The following IL1RAPL2 variants were observed in gnomAD, a reference collection of about 807,000 sequenced individuals.
IL1RAPL2 encodes the protein interleukin 1 receptor accessory protein like 2.
In IL1RAPL2, 3 loss-of-function variants were observed where a neutral mutation model predicts 44.1. The observed-to-expected ratio is 0.07, with a 90% CI of 0.03 to 0.18. The LOEUF (loss-of-function observed/expected upper bound fraction) is 0.18. IL1RAPL2 is among the 10% of genes least tolerant of loss of function. IL1RAPL2 has a pLI of 1.00. For missense variants in IL1RAPL2, 391 were observed against 496.4 expected, an observed-to-expected ratio of 0.79 and a Z score of 2.02; for synonymous variants, 181 against 178.8, an observed-to-expected ratio of 1.01 and a Z score of -0.10.
intron 2 of IL1RAPL2, among the ~76,000 whole-genome samples, chrX:104,987,429 TAA>T (rs200944971): frequency 0.025 from 2,260 of 89,625 alleles, 19 homozygotes; most frequent in African/African-American, 0.035. Context: ...GTGTATAATG[TAA>T]AAAAAAAAAA....
intron 6 of IL1RAPL2, among the ~76,000 whole-genome samples, chrX:105,665,345 G>A (rs761211167): frequency 1.1e-4 from 4 of 35,712 alleles, no homozygotes; most frequent in East Asian, 1.1e-3. Flanking sequence ...ATGCGCGTGC[G>A]TGTGTGTGTG....
At chrX:104,884,582 T>A (rs1352042499) in intron 2 of IL1RAPL2, among the ~76,000 whole-genome samples, 2 of 57,303 alleles carry the variant, frequency 3.5e-5, no homozygotes, top group East Asian at 1.6e-3. Flanking sequence ...AGGTGGCTCA[T>A]TTTTTTCTGC....
At chrX:105,044,647 T>C (rs895915824) in intron 2 of IL1RAPL2, among the ~76,000 whole-genome samples, 2 of 111,602 alleles carry the variant, frequency 1.8e-5, no homozygotes, top group Non-Finnish European at 3.8e-5. Context: ...GGGAAGTAGG[T>C]TGAGACTGAA....
At chrX:105,005,957 T>C (rs762302929) in intron 2 of IL1RAPL2, among the ~76,000 whole-genome samples, 147 of 110,849 alleles carry the variant, frequency 1.3e-3, no homozygotes, top group African/African-American at 4.5e-3. Context: ...CTCATAGCTA[T>C]GGAATCTTAC....
intron 1 of IL1RAPL2, among the ~76,000 whole-genome samples, chrX:104,638,965 C>G (rs986632670): frequency 8.9e-6 from 1 of 111,846 alleles, no homozygotes; most frequent in Non-Finnish European, 1.9e-5. Context: ...TGTTGAAGTC[C>G]CCCACTCTTC....
chrX:105,450,275 A>G (rs1236803033), intron 5 of IL1RAPL2, among the ~76,000 whole-genome samples: 1 of 111,220 alleles, frequency 9.0e-6, no homozygotes, highest in Non-Finnish European at 1.9e-5. Context: ...GCAAATCGAG[A>G]TTACCTTTTC....
intron 6 of IL1RAPL2, among the ~76,000 whole-genome samples, chrX:105,524,875 G>A (rs915680892): frequency 9.0e-6 from 1 of 111,269 alleles, no homozygotes; most frequent in African/African-American, 3.3e-5. Context: ...TGAGGGTAAA[G>A]TAGTCCCTGT....
chrX:104,969,463 C>A (rs1197149965), intron 2 of IL1RAPL2, among the ~76,000 whole-genome samples: 1 of 110,866 alleles, frequency 9.0e-6, no homozygotes, highest in African/African-American at 3.3e-5. Context: ...AAAAATAGTT[C>A]TTTGAAAGGT....
intron 5 of IL1RAPL2, among the ~76,000 whole-genome samples, chrX:105,424,825 T>TA: frequency 9.0e-6 from 1 of 110,786 alleles, no homozygotes; most frequent in East Asian, 2.8e-4. Flanking sequence ...TGTGTACTGA[T>TA]AATCCTTTTC....
At chrX:104,683,718 A>G (rs756821885) in intron 2 of IL1RAPL2, among the ~76,000 whole-genome samples, 1 of 112,825 alleles carries the variant, frequency 8.9e-6, no homozygotes, top group African/African-American at 3.2e-5. Flanking sequence ...AATTGCTGTA[A>G]GCAGCTATCT....
chrX:105,363,049 C>A (rs1364426207), intron 5 of IL1RAPL2, among the ~76,000 whole-genome samples: 1 of 107,579 alleles, frequency 9.3e-6, no homozygotes, highest in Non-Finnish European at 1.9e-5. Flanking sequence ...TGGTAACCAC[C>A]TTTCTATTCT....
At chrX:104,677,319 C>A (rs7885013) in intron 2 of IL1RAPL2, among the ~76,000 whole-genome samples, 39,503 of 108,308 alleles carry the variant, frequency 0.36, 5,920 homozygotes, top group Non-Finnish European at 0.45. Flanking sequence ...TCTAACAGAC[C>A]GGACCCTCAG....
At chrX:104,945,785 T>C (rs1214687985) in intron 2 of IL1RAPL2, among the ~76,000 whole-genome samples, 1 of 112,213 alleles carries the variant, frequency 8.9e-6, no homozygotes, top group Non-Finnish European at 1.9e-5. Flanking sequence ...TAAGTACATA[T>C]TATTAACACA....
intron 2 of IL1RAPL2, among the ~76,000 whole-genome samples, chrX:104,788,577 C>A (rs1312197766): frequency 9.0e-6 from 1 of 111,721 alleles, no homozygotes; most frequent in Non-Finnish European, 1.9e-5. Context: ...GGTTGTGGGG[C>A]AAATAGCGGC....
chrX:105,514,419 A>G (rs1199070899), intron 6 of IL1RAPL2, among the ~76,000 whole-genome samples: 1 of 112,165 alleles, frequency 8.9e-6, no homozygotes, highest in Non-Finnish European at 1.9e-5. Context: ...TTATACTTTT[A>G]CCAAATGGGG....
chrX:104,660,239 G>C (rs867150538), intron 2 of IL1RAPL2, among the ~76,000 whole-genome samples: 1 of 110,614 alleles, frequency 9.0e-6, no homozygotes, highest in African/African-American at 3.3e-5. Context: ...CTTTACCTTT[G>C]AAGTCCCATT....
intron 5 of IL1RAPL2, among the ~76,000 whole-genome samples, chrX:105,431,465 C>T (rs1181443867): frequency 9.0e-6 from 1 of 111,556 alleles, no homozygotes; most frequent in Non-Finnish European, 1.9e-5. Flanking sequence ...TATAGGTATT[C>T]TCCAGGCTTT....
intron 10 of IL1RAPL2, among the ~76,000 whole-genome samples, chrX:105,762,760 T>C (rs958048098): frequency 1.8e-5 from 2 of 111,997 alleles, no homozygotes; most frequent in African/African-American, 6.5e-5. Flanking sequence ...GGATATCTTA[T>C]ATTTTTATGT....
At chrX:105,271,232 A>G (rs2034443857) in intron 5 of IL1RAPL2, among the ~76,000 whole-genome samples, 1 of 112,177 alleles carries the variant, frequency 8.9e-6, no homozygotes, top group African/African-American at 3.2e-5. Flanking sequence ...CTTTTATTAT[A>G]TAAATCGTAG....
Sources: gnomAD v4.1 joint callset for allele counts (sites outside exome capture counted in the v4.1 genomes callset) on GRCh38, gnomAD v4.1.1 for gene constraint, MANE v1.5 for transcripts, NCBI Gene and HGNC (gene_info 2026-07-23, HGNC 2026-07-21) for gene names.